PLCH1: variants seen among roughly 807,000 people sequenced by gnomAD.
PLCH1 encodes 1-phosphatidylinositol 4,5-bisphosphate phosphodiesterase eta-1.
A neutral mutation model predicts 126.7 loss-of-function variants in PLCH1; 60 were observed. That is an observed-to-expected ratio of 0.47 (90% CI 0.38 to 0.59). PLCH1 has a LOEUF of 0.59. Ranked by LOEUF, PLCH1 falls within the 20% of genes least tolerant of loss-of-function variation. PLCH1 has a pLI of 0.00. For synonymous variants in PLCH1, 719 were observed against 734.9 expected (o/e 0.98, Z 0.35); for missense variants, 1,723 against 2,040.0 (o/e 0.84, Z 2.99).
intron 1 of PLCH1, among the ~76,000 whole-genome samples, chr3:155,718,958 T>C (rs1747731671): frequency 6.6e-6 from 1 of 152,210 alleles, no homozygotes; most frequent in Non-Finnish European, 1.5e-5. Context: ...AGTCATGTTA[T>C]TTCATGACTA....
At chr3:155,596,503 G>T in intron 2 of PLCH1, 125 bp from the exon 3 acceptor site, 1 of 674,788 alleles carries the variant, frequency 1.5e-6, no homozygotes, top group South Asian at 2.9e-5. Context: ...AACAAATTTG[G>T]TAGAGGTAAT....
In PLCH1 at chr3:155,662,703, C is replaced by T. The variant is rs192085395; in HGVS notation, c.79+41443G>A. Among the ~76,000 whole-genome samples, 770 of 152,054 alleles carry T rather than the reference C, an allele frequency of 5.1e-3. 3 individuals are homozygous for T. Among genetic ancestry groups the T allele is most frequent in the Non-Finnish European group, 8.1e-3 (551 of 67,978 alleles). ...TTTTTTAGATGGAGTCTCACTCTGT[C>T]GTCCTGACTGGAGTGCAGTGGCGCA... On this transcript the variant is annotated intron_variant, in intron 2 of 22. Coordinates refer to ENST00000460012, the MANE Select transcript of PLCH1 (RefSeq NM_014996.4).
At chr3:155,648,384 G>A (rs1317889544) in intron 2 of PLCH1, among the ~76,000 whole-genome samples, 1 of 152,162 alleles carries the variant, frequency 6.6e-6, no homozygotes, top group East Asian at 1.9e-4. Context: ...CGGACAGATG[G>A]GACCATTTAT....
intron 21 of PLCH1, among the ~76,000 whole-genome samples, chr3:155,467,431 G>A (rs545394993): frequency 3.3e-5 from 5 of 152,086 alleles, no homozygotes; most frequent in African/African-American, 9.6e-5. Flanking sequence ...AAAATTAGCT[G>A]GACGTGGTGG....
At chr3:155,503,140 T>C (rs1404590568) in intron 13 of PLCH1, among the ~76,000 whole-genome samples, 8 of 152,212 alleles carry the variant, frequency 5.3e-5, no homozygotes, top group African/African-American at 1.9e-4. Flanking sequence ...AGTGTGCAGG[T>C]TGATGTCTTT....
rs2109083183 is a variant in PLCH1 at position 155,704,214 on chromosome 3, C to A, written c.11G>T (p.Trp4Leu). The A allele has an allele frequency of 8.1e-7, 1 of 1,227,270 alleles. No homozygotes were observed. Among genetic ancestry groups the A allele is most frequent in the Admixed American group, 4.2e-5 (1 of 23,712 alleles). 76.0% of individuals were successfully genotyped at this position (1,227,270 alleles called of 1,614,324 possible). A position where few individuals can be genotyped will look rare whatever the true frequency, so the allele number is the denominator to read the frequency against. ...CACACAGTTCCTTTTTTCCAAGTTC[C>A]AGTAACTCATTGTCAGAAGATTTCT... MSYWNLEKRNCVQY... is the reference protein window; with the variant it reads MSYLNLEKRNCVQY... The change falls in exon 2 of 23, where the codon TGG becomes TTG. Residue 4 changes from tryptophan to leucine, a missense_variant. Coordinates refer to ENST00000460012, the MANE Select transcript of PLCH1 (RefSeq NM_014996.4).
At chr3:155,649,925 C>A (rs755595863) in intron 2 of PLCH1, among the ~76,000 whole-genome samples, 1 of 152,042 alleles carries the variant, frequency 6.6e-6, no homozygotes, top group Admixed American at 6.6e-5. Flanking sequence ...TTGCAGTGAG[C>A]CGAGATAGCG....
intron 4 of PLCH1, 85 bp downstream of exon 4, chr3:155,593,856 C>T: frequency 7.4e-7 from 1 of 1,354,284 alleles, no homozygotes; most frequent in Non-Finnish European, 1.0e-6. Flanking sequence ...AAAATTAAAA[C>T]ATAGTCTAAT....
chr3:155,525,478 A>G (rs1721776674), intron 10 of PLCH1, among the ~76,000 whole-genome samples: 1 of 152,144 alleles, frequency 6.6e-6, no homozygotes, highest in African/African-American at 2.4e-5. Context: ...ACGAGCAATG[A>G]ATTCTGTTGT....
chr3:155,656,046 C>T (rs1017506852), intron 2 of PLCH1, among the ~76,000 whole-genome samples: 10 of 151,878 alleles, frequency 6.6e-5, no homozygotes, highest in South Asian at 2.1e-4. Flanking sequence ...ACTGACTCAA[C>T]GAAATAAATT....
At chr3:155,525,396 A>G (rs1434256431) in intron 10 of PLCH1, among the ~76,000 whole-genome samples, 1 of 152,180 alleles carries the variant, frequency 6.6e-6, no homozygotes, top group Non-Finnish European at 1.5e-5. Context: ...GGTACTATCT[A>G]TGAGAAACAG....
chr3:155,584,784 T>C (rs1463578381), intron 5 of PLCH1, among the ~76,000 whole-genome samples: 2 of 152,182 alleles, frequency 1.3e-5, no homozygotes, highest in Admixed American at 1.3e-4. Flanking sequence ...AACAAATGCT[T>C]CCAAATTTTA....
intron 2 of PLCH1, among the ~76,000 whole-genome samples, chr3:155,653,982 CT>C (rs1741072373): frequency 6.6e-6 from 1 of 151,278 alleles, no homozygotes; most frequent in Non-Finnish European, 1.5e-5. Context: ...ATTTCTTCCC[CT>C]TCCTCTCTCT....
In PLCH1 at chr3:155,482,902, A is replaced by G; in HGVS notation, c.3124T>C (p.Ser1042Pro). 2 of 1,614,152 alleles carry G rather than the reference A, an allele frequency of 1.2e-6. No individual in the cohort carries two copies. The highest frequency in any genetic ancestry group is 1.7e-6 in the Non-Finnish European group (2 of 1,180,020). Reference sequence around the variant, plus strand: ...ATGCCCAGCTGTTCTCCTGTGACTGACATGTGGGCAGTAGATACAATGGTG... The same window carrying G: ...ATGCCCAGCTGTTCTCCTGTGACTGGCATGTGGGCAGTAGATACAATGGTG... ...GDTIVSTAHM[S>P]VTGEQLGMSS... Residue 1042 changes from serine to proline, a missense_variant, in exon 23 of 23, where the codon TCA (serine) becomes CCA (proline). Around this residue, in one of 2 missense-constraint regions of PLCH1, gnomAD observed 947 missense variants for 977.1 expected, o/e 0.97. Transcript: ENST00000460012.
chr3:155,587,139 T>C (rs1181962802), intron 4 of PLCH1, among the ~76,000 whole-genome samples: 1 of 152,240 alleles, frequency 6.6e-6, no homozygotes, highest in Non-Finnish European at 1.5e-5. Flanking sequence ...TCTTCGTTTA[T>C]GAGGCATACA....
intron 4 of PLCH1, among the ~76,000 whole-genome samples, chr3:155,588,918 A>G (rs1731734154): frequency 6.6e-6 from 1 of 152,174 alleles, no homozygotes; most frequent in Admixed American, 6.6e-5. Context: ...TGAAAAAACC[A>G]TTCTTTCCAG....
intron 2 of PLCH1, among the ~76,000 whole-genome samples, chr3:155,661,994 T>A (rs924056405): frequency 6.6e-6 from 1 of 152,218 alleles, no homozygotes; most frequent in Admixed American, 6.5e-5. Flanking sequence ...TAGAAACACC[T>A]CTTAATGAAT....
intron 2 of PLCH1, among the ~76,000 whole-genome samples, chr3:155,650,713 T>C (rs1740612452): frequency 6.6e-6 from 1 of 152,162 alleles, no homozygotes; most frequent in South Asian, 2.1e-4. Flanking sequence ...TTACAGGATA[T>C]AGACTATGTG....
At chr3:155,570,148 A>G (rs1729006387) in intron 6 of PLCH1, among the ~76,000 whole-genome samples, 1 of 152,190 alleles carries the variant, frequency 6.6e-6, no homozygotes, top group African/African-American at 2.4e-5. Flanking sequence ...TTGAAATGTA[A>G]GAGTCAATCG....
Sources: allele counts gnomAD v4.1 joint callset (sites outside exome capture counted in the v4.1 genomes callset), GRCh38; gene constraint gnomAD v4.1.1; regional missense constraint gnomAD v4.1.1; transcripts MANE v1.5; gene names NCBI Gene and HGNC (gene_info 2026-07-23, HGNC 2026-07-21).